FNDC3B: variants seen among roughly 807,000 people sequenced by gnomAD.
FNDC3B encodes the protein fibronectin type III domain-containing protein 3B.
Under a neutral mutation model 151.5 loss-of-function variants are expected in FNDC3B, and 12 were observed. The ratio of observed to expected loss-of-function variants is 0.08; its 90% confidence interval spans 0.05 to 0.13. FNDC3B has a LOEUF of 0.13. Ranked by LOEUF, FNDC3B falls within the 10% of genes least tolerant of loss-of-function variation. FNDC3B has a pLI of 1.00. For synonymous variants in FNDC3B, 528 were observed against 549.0 expected (o/e 0.96, Z 0.54); for missense variants, 1,214 against 1,505.3 (o/e 0.81, Z 3.20).
intron 3 of FNDC3B, among the ~76,000 whole-genome samples, chr3:172,135,821 A>G (rs1721331796): frequency 6.6e-6 from 1 of 152,212 alleles, no homozygotes; most frequent in Admixed American, 6.5e-5. Context: ...AACCCTTTAT[A>G]TGAGTCCCAG....
intron 3 of FNDC3B, among the ~76,000 whole-genome samples, chr3:172,136,238 G>A (rs962436830): frequency 3.3e-5 from 5 of 152,200 alleles, no homozygotes; most frequent in African/African-American, 7.2e-5. Flanking sequence ...TGACTACTTA[G>A]ATACCCAGAA....
chr3:172,059,395 G>C (rs1394696194), intron 1 of FNDC3B, among the ~76,000 whole-genome samples: 1 of 152,124 alleles, frequency 6.6e-6, no homozygotes, highest in East Asian at 1.9e-4. Context: ...GACACTAATT[G>C]TTCTCCATGG....
intron 25 of FNDC3B, among the ~76,000 whole-genome samples, chr3:172,390,236 G>A (rs1001914835): frequency 6.6e-6 from 1 of 151,986 alleles, no homozygotes; most frequent in African/African-American, 2.4e-5. Context: ...TGTGAAAGAG[G>A]GAAGCTGTTC....
Position 172,335,058 on chromosome 3 carries a change from T to C in FNDC3B, c.1756T>C (p.Ser586Pro). 5 of 1,610,590 alleles carry C rather than the reference T, an allele frequency of 3.1e-6. No homozygotes were observed. Among genetic ancestry groups the C allele is most frequent in the African/African-American group, 1.3e-5 (1 of 74,696 alleles). Residue 586 changes from serine to proline, a missense_variant, in exon 15 of 26, where the codon TCT becomes CCT. Coordinates refer to ENST00000415807, the MANE Select transcript of FNDC3B (RefSeq NM_022763.4). ...TRPLVKGPVT[S>P]HGFSVKWDPP... ...ACCGCTTGTCAAAGGCCCAGTTACA[T>C]CTCATGGCTTTAGTGTCAAATGGGG...
intron 1 of FNDC3B, among the ~76,000 whole-genome samples, chr3:172,084,898 C>T (rs373980568): frequency 2.0e-5 from 3 of 152,264 alleles, no homozygotes; most frequent in Admixed American, 6.5e-5. Flanking sequence ...TTTCCCCTTA[C>T]GAGAATGTAA....
chr3:172,251,189 A>G (rs1728048547), intron 5 of FNDC3B, 71 bp from the exon 6 acceptor site: 1 of 1,214,832 alleles, frequency 8.2e-7, no homozygotes, highest in Non-Finnish European at 1.2e-6. Context: ...GAGCCAGATC[A>G]TTTGACCATT....
chr3:172,083,311 G>A (rs2108501265), intron 1 of FNDC3B, among the ~76,000 whole-genome samples: 1 of 152,334 alleles, frequency 6.6e-6, no homozygotes, highest in Non-Finnish European at 1.5e-5. Context: ...ATGTCCCACA[G>A]GGGTGATAAG....
intron 6 of FNDC3B, among the ~76,000 whole-genome samples, chr3:172,256,267 C>T (rs1728341856): frequency 1.3e-5 from 2 of 152,216 alleles, no homozygotes; most frequent in South Asian, 4.1e-4. Flanking sequence ...CAAGAGCCAG[C>T]TCAGTTATCA....
At chr3:172,350,706 A>T (rs1271556859) in intron 21 of FNDC3B, among the ~76,000 whole-genome samples, 1 of 152,178 alleles carries the variant, frequency 6.6e-6, no homozygotes, top group South Asian at 2.1e-4. Flanking sequence ...GCTCAAACTT[A>T]GCTGGGTGTG....
intron 1 of FNDC3B, among the ~76,000 whole-genome samples, chr3:172,054,260 G>A (rs1430427671): frequency 1.3e-5 from 2 of 152,184 alleles, no homozygotes; most frequent in Non-Finnish European, 2.9e-5. Flanking sequence ...GTCTATCTCT[G>A]AGAACTCAGA....
In FNDC3B at chr3:172,156,107, A is replaced by G. The variant is rs952698003; in HGVS notation, c.187+22561A>G. ...GTGATCATTCTTTTGTGTGATGGTA[A>G]TGAGATAATTTCTGCATTACAGATT... On this transcript the variant is annotated intron_variant, in intron 3 of 25. Transcript: ENST00000415807. 5.7e-4 allele frequency among the ~76,000 whole-genome samples: 87 copies of G among 152,178 alleles called. 1 individual carries two copies. Among genetic ancestry groups the G allele is most frequent in the Non-Finnish European group, 1.8e-4 (12 of 68,036 alleles).
At chr3:172,126,108 C>A (rs577244964) in intron 2 of FNDC3B, among the ~76,000 whole-genome samples, 1 of 152,084 alleles carries the variant, frequency 6.6e-6, no homozygotes, top group Admixed American at 6.5e-5. Context: ...TGTATATAAA[C>A]AAAAGAAGTC....
chr3:172,238,882 T>A lies in FNDC3B; in HGVS notation c.265-8651T>A, dbSNP rs78483913. On this transcript the variant is annotated intron_variant, in intron 4 of 25. Coordinates refer to ENST00000415807, the MANE Select transcript of FNDC3B (RefSeq NM_022763.4). ...ATAAATGTTTGTGATAAAATCATGC[T>A]TATTTAAAATAAGAAGATCAGGAAT... is the stretch of plus-strand genomic sequence containing the variant. 6.4e-3 allele frequency among the ~76,000 whole-genome samples: 969 copies of A among 152,254 alleles called. 42 individuals carry two copies. In the East Asian group the frequency reaches 0.13, roughly 21 times the overall value.
At chr3:172,206,421 G>T (rs1038767549) in intron 3 of FNDC3B, among the ~76,000 whole-genome samples, 1 of 152,076 alleles carries the variant, frequency 6.6e-6, no homozygotes, top group Non-Finnish European at 1.5e-5. Flanking sequence ...CACTTTGGGA[G>T]GCCAAGGCTG....
intron 1 of FNDC3B, among the ~76,000 whole-genome samples, chr3:172,041,219 A>C (rs1716030523): frequency 6.6e-6 from 1 of 151,812 alleles, no homozygotes; most frequent in African/African-American, 2.4e-5. Context: ...GGAACGGGTG[A>C]GGTCTTTTGT....
intron 7 of FNDC3B, among the ~76,000 whole-genome samples, chr3:172,286,441 T>C (rs1490594951): frequency 1.3e-5 from 2 of 152,100 alleles, no homozygotes; most frequent in Non-Finnish European, 2.9e-5. Flanking sequence ...GACAAAAAAA[T>C]GGTCGAAGTG....
At chr3:172,311,559 C>A (rs948345772) in intron 11 of FNDC3B, among the ~76,000 whole-genome samples, 2 of 152,052 alleles carry the variant, frequency 1.3e-5, no homozygotes, top group Non-Finnish European at 2.9e-5. Context: ...GACCTAGAAG[C>A]CTTTCATTTC....
chr3:172,092,828 C>T (rs1238440006), intron 1 of FNDC3B, among the ~76,000 whole-genome samples: 1 of 152,108 alleles, frequency 6.6e-6, no homozygotes, highest in Non-Finnish European at 1.5e-5. Flanking sequence ...TTTGTTTATA[C>T]AGTGTCTCAC....
intron 7 of FNDC3B, among the ~76,000 whole-genome samples, chr3:172,290,768 T>C (rs1189076580): frequency 6.6e-6 from 1 of 152,244 alleles, no homozygotes; most frequent in Non-Finnish European, 1.5e-5. Flanking sequence ...TAAAAACAGA[T>C]GACTGTGAAA....
Sources: allele counts gnomAD v4.1 joint callset (sites outside exome capture counted in the v4.1 genomes callset), GRCh38; gene constraint gnomAD v4.1.1; transcripts MANE v1.5; gene names NCBI Gene and HGNC (gene_info 2026-07-23, HGNC 2026-07-21).